Variants in OR2G6 observed in about 807,000 individuals in gnomAD.
OR2G6 encodes the protein olfactory receptor 2G6.
For synonymous variants in OR2G6, 183 were observed against 155.2 expected (o/e 1.18, Z -1.33); for missense variants, 457 against 391.3 (o/e 1.17, Z -1.42).
Position 248,525,259 on chromosome 1 carries a change from C to CA in OR2G6, c.*2663dup, listed in dbSNP as rs1184993148. The CA allele has an allele frequency of 6.6e-6, 1 of 151,866 alleles. No homozygotes were observed. The highest frequency in any genetic ancestry group is 2.4e-5 in the African/African-American group (1 of 41,314). 9.4% of individuals were successfully genotyped at this position (151,866 alleles called of 1,614,324 possible). A position where few individuals can be genotyped will look rare whatever the true frequency, so the allele number is the denominator to read the frequency against. On this transcript the variant is annotated 3_prime_UTR_variant, in exon 2 of 2. Coordinates refer to ENST00000641804, the MANE Select transcript of OR2G6 (RefSeq NM_001013355.2). ...ACAATTAGTAAATCTAAAACAGGTA[C>CA]ACATCAGTCAATTTGCACACATTAC... is the stretch of plus-strand genomic sequence containing the variant.
At chr1:248,520,778 G>GTAGT (rs1469316176) in intron 1 of OR2G6, among the ~76,000 whole-genome samples, 2 of 151,656 alleles carry the variant, frequency 1.3e-5, no homozygotes, top group Non-Finnish European at 2.9e-5. Context: ...GGAGGCTGAG[G>GTAGT]TAGTTAGGTC....
chr1:248,524,524 A>G lies in OR2G6; in HGVS notation c.*1927A>G, dbSNP rs568373832. ...CCTGATAACCCGAGCAACACAGCAT[A>G]GGAAAGAATGTACCTGTGTCAGAGT... On this transcript the variant is annotated 3_prime_UTR_variant, in exon 2 of 2. Coordinates refer to ENST00000641804, the MANE Select transcript of OR2G6 (RefSeq NM_001013355.2). The G allele has an allele frequency of 2.4e-4, 37 of 152,354 alleles. No homozygotes were observed. In the East Asian group the frequency reaches 7.1e-3, roughly 29 times the overall value. The allele number at this position is 152,354 out of a possible 1,614,324, so 9.4% of individuals were successfully genotyped here.
rs921285331 is a variant in OR2G6 at position 248,527,088 on chromosome 1, T to A, written c.*4491T>A. Reference sequence around the variant, plus strand: ...ATCCATGCCTATGTCCTGAATGGAATTGCCTAGGTTTTCTTCTAGGGTTTT... The same window carrying A: ...ATCCATGCCTATGTCCTGAATGGAAATGCCTAGGTTTTCTTCTAGGGTTTT... On this transcript the variant is annotated 3_prime_UTR_variant, in exon 2 of 2. Transcript: ENST00000641804. 2 of 152,156 alleles carry A rather than the reference T, an allele frequency of 1.3e-5. No homozygotes were observed. The highest frequency in any genetic ancestry group is 1.9e-4 in the East Asian group (1 of 5,190). The allele number at this position is 152,156 out of a possible 1,614,324, so 9.4% of individuals were successfully genotyped here.
intron 1 of OR2G6, among the ~76,000 whole-genome samples, chr1:248,520,108 A>G (rs546311360): frequency 2.5e-4 from 38 of 152,344 alleles, no homozygotes; most frequent in East Asian, 1.3e-3. Context: ...AAAAGGATGC[A>G]TTCATGTCCT....
At position 248,525,797 on chromosome 1, in the gene OR2G6, T is replaced by C. The variant is rs1664383060; in HGVS notation, c.*3200T>C. 6.6e-6 allele frequency: 1 copy of C among 152,030 alleles called. No homozygotes were observed. The highest frequency in any genetic ancestry group is 2.1e-4 in the South Asian group (1 of 4,818). 9.4% of individuals were successfully genotyped at this position (152,030 alleles called of 1,614,324 possible). On this transcript the variant is annotated 3_prime_UTR_variant, in exon 2 of 2. Coordinates refer to ENST00000641804, the MANE Select transcript of OR2G6 (RefSeq NM_001013355.2). ...TTGGGAGGCTGAGTCAGGTGGATCA[T>C]GAGGTCAGGAGTTCAAGCTCAGCCT...
chr1:248,521,990 T>A lies in OR2G6; in HGVS notation c.344T>A (p.Leu115Ter), dbSNP rs201905845. ...TTGGGCTCGTCTGAGTGTATTCTCTTGGCCGTCATGGCTTATGACCGCTAT... is the reference window on the plus strand; with the variant it reads ...TTGGGCTCGTCTGAGTGTATTCTCTAGGCCGTCATGGCTTATGACCGCTAT... ...MGLGSSECIL[L>*]AVMAYDRYAA... is the part of the protein sequence containing the mutation. The change falls in exon 2 of 2, where the codon TTG (leucine) becomes TAG (stop). Residue 115 changes from leucine to a stop codon, truncating the protein, a stop_gained. Transcript: ENST00000641804. LOFTEE classifies it low-confidence loss of function (END_TRUNC). 6.2e-7 allele frequency: 1 copy of A among 1,614,194 alleles called. No individual in the cohort carries two copies. Among genetic ancestry groups the A allele is most frequent in the East Asian group, 2.2e-5 (1 of 44,888 alleles).
In OR2G6 at chr1:248,523,658, ACTTT is replaced by A. The variant is rs1664337889; in HGVS notation, c.*1064_*1067del. ...TATTCTTATATTTGACCAAACTTTTACTTTCTGATTTAATTCTGTCTCTATCTCT... is the reference window on the plus strand; with the variant it reads ...TATTCTTATATTTGACCAAACTTTTACTGATTTAATTCTGTCTCTATCTCT... On this transcript the variant is annotated 3_prime_UTR_variant, in exon 2 of 2. Transcript: ENST00000641804. 8.1e-6 allele frequency: 1 copy of A among 123,632 alleles called. No homozygotes were observed. The allele number at this position is 123,632 out of a possible 1,614,324, so 7.7% of individuals were successfully genotyped here.
Position 248,521,973 on chromosome 1 carries a change from G to C in OR2G6, c.327G>C (p.Ser109=). Residue 109 remains serine, a synonymous_variant, in exon 2 of 2, where the codon TCG becomes TCC. Transcript: ENST00000641804. ...TCTATGTGGCCATGGGGTTGGGCTC[G>C]TCTGAGTGTATTCTCTTGGCCGTCA... The part of the protein sequence containing the change: ...AQLYVAMGLG[S]SECILLAVMA... 4 of 1,614,116 alleles carry C rather than the reference G, an allele frequency of 2.5e-6. No homozygotes were observed. Among genetic ancestry groups the C allele is most frequent in the Non-Finnish European group, 2.5e-6 (3 of 1,180,014 alleles).
chr1:248,522,896 T>A lies in OR2G6; in HGVS notation c.*299T>A, dbSNP rs564739524. The stretch of plus-strand genomic sequence containing the variant: ...TGTCAATCCAAGACCCTGTGTTCTA[T>A]CTGGAAAAAAATGTTTGTCCTTCAT... On this transcript the variant is annotated 3_prime_UTR_variant, in exon 2 of 2. Transcript: ENST00000641804. 19 of 303,848 alleles carry A rather than the reference T, an allele frequency of 6.3e-5. No homozygotes were observed. The highest frequency in any genetic ancestry group is 3.7e-4 in the African/African-American group (17 of 46,422). The allele number at this position is 303,848 out of a possible 1,614,324, so 18.8% of individuals were successfully genotyped here. A position where few individuals can be genotyped will look rare whatever the true frequency, so the allele number is the denominator to read the frequency against.
At position 248,523,393 on chromosome 1, in the gene OR2G6, T is replaced by G. The variant is rs1003904899; in HGVS notation, c.*796T>G. The G allele has an allele frequency of 8.5e-5, 13 of 152,202 alleles. No homozygotes were observed. The highest frequency in any genetic ancestry group is 2.9e-4 in the African/African-American group (12 of 41,450). The allele number at this position is 152,202 out of a possible 1,614,324, so 9.4% of individuals were successfully genotyped here. A position where few individuals can be genotyped will look rare whatever the true frequency, so the allele number is the denominator to read the frequency against. Reference sequence around the variant, plus strand: ...ATAAGCAAACTTGAATTAAGGAGATTGATTAAAAGTTGAGTAAAATTGCCA... The same window carrying G: ...ATAAGCAAACTTGAATTAAGGAGATGGATTAAAAGTTGAGTAAAATTGCCA... On this transcript the variant is annotated 3_prime_UTR_variant, in exon 2 of 2. Coordinates refer to ENST00000641804, the MANE Select transcript of OR2G6 (RefSeq NM_001013355.2).
In OR2G6 at chr1:248,523,712, C is replaced by T. The variant is rs150021387; in HGVS notation, c.*1115C>T. 156 of 152,264 alleles carry T rather than the reference C, an allele frequency of 1.0e-3. No homozygotes were observed. In the Middle Eastern group the frequency reaches 0.017, roughly 17 times the overall value. 9.4% of individuals were successfully genotyped at this position (152,264 alleles called of 1,614,324 possible). On this transcript the variant is annotated 3_prime_UTR_variant, in exon 2 of 2. Coordinates refer to ENST00000641804, the MANE Select transcript of OR2G6 (RefSeq NM_001013355.2). Reference sequence around the variant, plus strand: ...TCTGTGTATCTTTGTGTGTCTCAGCCTCTTTCTTGCTTTCTTTTCCCAAAA... The same window carrying T: ...TCTGTGTATCTTTGTGTGTCTCAGCTTCTTTCTTGCTTTCTTTTCCCAAAA...
intron 1 of OR2G6, among the ~76,000 whole-genome samples, chr1:248,521,294 G>T (rs1445167586): frequency 1.3e-5 from 2 of 152,052 alleles, no homozygotes; most frequent in East Asian, 3.9e-4. Flanking sequence ...TGCTTTACCT[G>T]CATAAATACA....
rs1350428984 is a variant in OR2G6 at position 248,522,256 on chromosome 1, G to A, written c.610G>A (p.Val204Ile). The change falls in exon 2 of 2, where the codon GTA becomes ATA. Residue 204 changes from valine to isoleucine, a missense_variant. Val to Ile is a conservative substitution (Grantham distance 29). Coordinates refer to ENST00000641804, the MANE Select transcript of OR2G6 (RefSeq NM_001013355.2). ...CGAGGCAGAACTCTTTGTGGCCAGT[G>A]TAGTCTTTCTAATTGTCCCGGTGTT... ...FNEAELFVAS[V>I]VFLIVPVLLI... 5 of 1,614,164 alleles carry A rather than the reference G, an allele frequency of 3.1e-6. No individual in the cohort carries two copies. The South Asian group carries it at 3.3e-5, about 11-fold the overall frequency.
chr1:248,526,673 T>C lies in OR2G6; in HGVS notation c.*4076T>C, dbSNP rs981768608. 6.6e-6 allele frequency: 1 copy of C among 151,464 alleles called. No homozygotes were observed. The highest frequency in any genetic ancestry group is 1.5e-5 in the Non-Finnish European group (1 of 67,862). 9.4% of individuals were successfully genotyped at this position (151,464 alleles called of 1,614,324 possible). On this transcript the variant is annotated 3_prime_UTR_variant, in exon 2 of 2. Coordinates refer to ENST00000641804, the MANE Select transcript of OR2G6 (RefSeq NM_001013355.2). ...ACCATAACCTGATCTCAGTAGTAAC[T>C]ATTTAATGATTGCCATTCTAACTGG...
Position 248,524,533 on chromosome 1 carries a change from T to G in OR2G6, c.*1936T>G, listed in dbSNP as rs1041863711. On this transcript the variant is annotated 3_prime_UTR_variant, in exon 2 of 2. Coordinates refer to ENST00000641804, the MANE Select transcript of OR2G6 (RefSeq NM_001013355.2). ...CCGAGCAACACAGCATAGGAAAGAA[T>G]GTACCTGTGTCAGAGTCTCAATCAA... 6 of 152,210 alleles carry G rather than the reference T, an allele frequency of 3.9e-5. No homozygotes were observed. The highest frequency in any genetic ancestry group is 1.4e-4 in the African/African-American group (6 of 41,460). The allele number at this position is 152,210 out of a possible 1,614,324, so 9.4% of individuals were successfully genotyped here. A position where few individuals can be genotyped will look rare whatever the true frequency, so the allele number is the denominator to read the frequency against.
At chr1:248,520,286 G>T (rs983722068) in intron 1 of OR2G6, among the ~76,000 whole-genome samples, 1 of 152,110 alleles carries the variant, frequency 6.6e-6, no homozygotes, top group Non-Finnish European at 1.5e-5. Flanking sequence ...GGGTTGGGGG[G>T]CTAGGAAGGA....
In OR2G6 at chr1:248,522,807, G is replaced by C; in HGVS notation, c.*210G>C. The C allele has an allele frequency of 1.9e-6, 1 of 526,560 alleles. No individual in the cohort carries two copies. The highest frequency in any genetic ancestry group is 4.8e-4 in the Middle Eastern group (1 of 2,068). 32.6% of individuals were successfully genotyped at this position (526,560 alleles called of 1,614,324 possible). On this transcript the variant is annotated 3_prime_UTR_variant, in exon 2 of 2. Transcript: ENST00000641804. ...AAAGCCACAGGGACTAGGAAGCATT[G>C]GAATTCTAAAGAAGAGAAACACACC...
At position 248,522,388 on chromosome 1, in the gene OR2G6, G is replaced by T. The variant is rs78750909; in HGVS notation, c.742G>T (p.Val248Phe). ...GACCTGTTCGTCTCACCTGGTTGTG[G>T]TCATCATTTTCTATGGGACCATCAT... is the stretch of plus-strand genomic sequence containing the variant. ...FGTCSSHLVV[V>F]IIFYGTIIFM... Residue 248 changes from valine to phenylalanine, a missense_variant, in exon 2 of 2, where the codon GTC becomes TTC. Coordinates refer to ENST00000641804, the MANE Select transcript of OR2G6 (RefSeq NM_001013355.2). The T allele has an allele frequency of 2.5e-6, 4 of 1,614,014 alleles. No homozygotes were observed. Among genetic ancestry groups the T allele is most frequent in the East Asian group, 2.2e-5 (1 of 44,888 alleles).
intron 1 of OR2G6, among the ~76,000 whole-genome samples, chr1:248,520,058 G>A (rs988435773): frequency 2.5e-4 from 38 of 152,292 alleles, no homozygotes; most frequent in Admixed American, 1.4e-3. Context: ...GATAAAGAAA[G>A]TGTGGCACAT....
Sources: gnomAD v4.1 joint callset for allele counts (sites outside exome capture counted in the v4.1 genomes callset) on GRCh38, gnomAD v4.1.1 for gene constraint, MANE v1.5 for transcripts, NCBI Gene and HGNC (gene_info 2026-07-23, HGNC 2026-07-21) for gene names.